ARMH1: variants seen among roughly 807,000 people sequenced by gnomAD.
ARMH1 encodes the protein armadillo like helical domain containing 1, also known as armadillo-like helical domain containing protein 1.
A neutral mutation model predicts 50.2 loss-of-function variants in ARMH1; 34 were observed. That is an observed-to-expected ratio of 0.68 (90% confidence interval 0.51 to 0.90). The LOEUF is 0.90. Ranked by LOEUF, ARMH1 falls within the 40% of genes least tolerant of loss-of-function variation. The pLI is 0.00. For synonymous variants in ARMH1, 221 were observed against 224.2 expected (o/e 0.99, Z 0.13); for missense variants, 538 against 553.9 (o/e 0.97, Z 0.29).
At chr1:44,689,359 G>A (rs751244464) in intron 1 of ARMH1, 6 of 271,210 alleles carry the variant, frequency 2.2e-5, no homozygotes, top group South Asian at 3.9e-5. Flanking sequence ...CACCACGCCC[G>A]GCCTTGGCAA....
intron 1 of ARMH1, chr1:44,689,372 A>C (rs528852388): frequency 3.4e-5 from 10 of 291,814 alleles, no homozygotes; most frequent in South Asian, 2.5e-4. Context: ...CTTGGCAAGC[A>C]CTTTTATCTC....
At chr1:44,688,907 T>C (rs1440084615) in intron 1 of ARMH1, among the ~76,000 whole-genome samples, 1 of 152,082 alleles carries the variant, frequency 6.6e-6, no homozygotes, top group African/African-American at 2.4e-5. Context: ...TTTTTAAGAG[T>C]TAGTGTAAAA....
chr1:44,722,201 C>T (rs561315306), intron 6 of ARMH1, among the ~76,000 whole-genome samples: 23 of 152,136 alleles, frequency 1.5e-4, no homozygotes, highest in Non-Finnish European at 2.2e-4. Context: ...AGGCACTTGA[C>T]TACTGAGCTG....
chr1:44,719,449 CTG>C (rs2148764983), intron 6 of ARMH1, among the ~76,000 whole-genome samples: 1 of 152,322 alleles, frequency 6.6e-6, no homozygotes, highest in East Asian at 1.9e-4. Flanking sequence ...GAAGGGCACT[CTG>C]AGCCCTGGAG....
intron 6 of ARMH1, among the ~76,000 whole-genome samples, chr1:44,718,853 G>C (rs909603389): frequency 2.6e-5 from 4 of 151,970 alleles, no homozygotes; most frequent in African/African-American, 4.8e-5. Flanking sequence ...GGAGAAACCC[G>C]TCTCTACTGA....
At chr1:44,702,511 A>G (rs1646129664) in intron 5 of ARMH1, among the ~76,000 whole-genome samples, 1 of 152,048 alleles carries the variant, frequency 6.6e-6, no homozygotes, top group African/African-American at 2.4e-5. Context: ...CAGGAGTTCA[A>G]GATCAGCCTG....
intron 1 of ARMH1, among the ~76,000 whole-genome samples, chr1:44,680,816 C>T (rs1268049089): frequency 6.6e-6 from 1 of 152,098 alleles, no homozygotes; most frequent in Non-Finnish European, 1.5e-5. Context: ...TCCAGGCATC[C>T]TCCTTGATTC....
rs114321270 is a variant in ARMH1, at chr1:44,718,306, G to A, written c.725-5816G>A. Among the ~76,000 whole-genome samples the A allele has an allele frequency of 7.7e-3, 1,178 of 152,314 alleles. 19 individuals are homozygous for A. Among genetic ancestry groups the A allele is most frequent in the African/African-American group, 0.027 (1,124 of 41,554 alleles). The stretch of plus-strand genomic sequence containing the variant: ...AAGAGCCCAGCTACTAATGAGGGAC[G>A]TGCTGCAGGCGACAAAGCCAAGTGT... On this transcript the variant is annotated intron_variant, in intron 6 of 11. Coordinates refer to ENST00000535358, the MANE Select transcript of ARMH1 (RefSeq NM_001145636.2).
chr1:44,703,245 G>A (rs567008701), intron 5 of ARMH1, among the ~76,000 whole-genome samples: 3 of 152,046 alleles, frequency 2.0e-5, no homozygotes, highest in South Asian at 2.1e-4. Context: ...CAGAGTAGCC[G>A]GCCTTGTTCC....
At chr1:44,712,438 A>G (rs1176118276) in intron 6 of ARMH1, among the ~76,000 whole-genome samples, 1 of 151,758 alleles carries the variant, frequency 6.6e-6, no homozygotes, top group Non-Finnish European at 1.5e-5. Flanking sequence ...AGAGTGGGCA[A>G]CAAGAGTGAA....
Position 44,724,326 on chromosome 1 carries a change from C to G in ARMH1, c.854C>G (p.Ser285Trp). ...ACGGCTGCCCCCTCCTCAGACCCCT[C>G]GGTTCTCCAGCTCACCCCCAGCCTG... ...KLQAKILSDP[S>W]VLQLTPSLPM... The change falls in exon 8 of 12, where the codon TCG becomes TGG. Residue 285 changes from serine (S) to tryptophan (W), a missense_variant. Coordinates refer to ENST00000535358, the MANE Select transcript of ARMH1 (RefSeq NM_001145636.2). The surrounding 1 kb of genome is among the most constrained non-coding windows in gnomAD (Gnocchi z 6.4). 1 of 1,551,526 alleles carries G rather than the reference C, an allele frequency of 6.4e-7. No individual in the cohort carries two copies. Among genetic ancestry groups the G allele is most frequent in the Non-Finnish European group, 8.7e-7 (1 of 1,146,964 alleles).
rs1473748066 is a variant in ARMH1 at position 44,682,185 on chromosome 1, A to G, written c.-23+7312A>G. Among the ~76,000 whole-genome samples the G allele has an allele frequency of 2.6e-5, 4 of 152,260 alleles. No individual in the cohort carries two copies. The highest frequency in any genetic ancestry group is 5.9e-5 in the Non-Finnish European group (4 of 68,050). ...CACAGTGTGTTGGATGTCAGTTTAA[A>G]TAACACTTATTGAGTGCCTGTGTTT... On this transcript the variant is annotated intron_variant, in intron 1 of 11. Coordinates refer to ENST00000535358, the MANE Select transcript of ARMH1 (RefSeq NM_001145636.2). This position sits in a 1 kb window ranked among gnomAD's most constrained non-coding sequence, Gnocchi z 4.5.
At position 44,681,059 on chromosome 1, in the gene ARMH1, A is replaced by C. The variant is rs1645295570; in HGVS notation, c.-23+6186A>C. Among the ~76,000 whole-genome samples the C allele has an allele frequency of 7.2e-6, 1 of 139,450 alleles. No homozygotes were observed. Among genetic ancestry groups the C allele is most frequent in the Non-Finnish European group, 1.5e-5 (1 of 66,334 alleles). The allele number at this position is 139,450 out of a possible 152,430, so 91.5% of individuals were successfully genotyped here. On this transcript the variant is annotated intron_variant, in intron 1 of 11. Transcript: ENST00000535358. This position sits in a 1 kb window ranked among gnomAD's most constrained non-coding sequence, Gnocchi z 4.3. ...ACCCAGGCTGGAGTGTAGTGGCGTG[A>C]TCTCGGCTCACTGCAAGCTCCACCT...
chr1:44,705,812 G>GGAGATTAAGGAAGGGTTCACCGAGAC, intron 6 of ARMH1, among the ~76,000 whole-genome samples: 1 of 152,128 alleles, frequency 6.6e-6, no homozygotes, highest in Non-Finnish European at 1.5e-5. Context: ...TTCAACAGGA[G>GGAGATTAAGGAAGGGTTCACCGAGAC]GAGATTAAGG....
chr1:44,704,118 C>T lies in ARMH1; in HGVS notation c.669C>T (p.Ile223=), dbSNP rs376849034. 7.1e-6 allele frequency: 11 copies of T among 1,550,880 alleles called. No homozygotes were observed. In the African/African-American group the frequency reaches 1.1e-4, roughly 15 times the overall value. ...QPIIGTTHPS[I]VDCVLKVLGT... ...TCATTGGGACCACACACCCCAGCAT[C>T]GTGGACTGCGTGCTGAAGGTGCTGG... The change falls in exon 6 of 12, where the codon ATC becomes ATT. Residue 223 remains isoleucine, a synonymous_variant. Transcript: ENST00000535358.
At chr1:44,708,944 GCTCT>G (rs1451663743) in intron 6 of ARMH1, among the ~76,000 whole-genome samples, 3 of 152,024 alleles carry the variant, frequency 2.0e-5, no homozygotes, top group Non-Finnish European at 1.5e-5. Flanking sequence ...GTGCAAATAT[GCTCT>G]CTATCTTCCA....
chr1:44,680,183 G>A (rs1645261891), intron 1 of ARMH1, among the ~76,000 whole-genome samples: 1 of 152,038 alleles, frequency 6.6e-6, no homozygotes, highest in African/African-American at 2.4e-5. Flanking sequence ...TTGTTTGTTT[G>A]TTTGTTTGTT....
In ARMH1 at chr1:44,701,194, T is replaced by G. The variant is rs2148664322; in HGVS notation, c.639+75T>G. Reference sequence around the variant, plus strand: ...TTACAATTACCTTCCGCAGTTGCTCTCCACACAGGCATGAGAAACGGAGCT... The same window carrying G: ...TTACAATTACCTTCCGCAGTTGCTCGCCACACAGGCATGAGAAACGGAGCT... On this transcript the variant is annotated intron_variant, in intron 5 of 11. Transcript: ENST00000535358. 3 of 1,379,498 alleles carry G rather than the reference T, an allele frequency of 2.2e-6. No homozygotes were observed. In the East Asian group the frequency reaches 7.6e-5, roughly 35 times the overall value. The allele number at this position is 1,379,498 out of a possible 1,614,324, so 85.5% of individuals were successfully genotyped here.
intron 2 of ARMH1, among the ~76,000 whole-genome samples, chr1:44,692,731 T>G (rs987336001): frequency 4.6e-5 from 7 of 152,066 alleles, no homozygotes; most frequent in Non-Finnish European, 8.8e-5. Context: ...AATGTTCTTT[T>G]TTTGTTTGTT....
Sources: allele counts gnomAD v4.1 joint callset (sites outside exome capture counted in the v4.1 genomes callset), GRCh38; gene constraint gnomAD v4.1.1; non-coding constraint Gnocchi (gnomAD v3.1); transcripts MANE v1.5; gene names NCBI Gene and HGNC (gene_info 2026-07-23, HGNC 2026-07-21).